Variants in CACNA2D3 observed in about 807,000 individuals in gnomAD.
The protein encoded by CACNA2D3 is calcium voltage-gated channel auxiliary subunit alpha2delta 3, also known as voltage-dependent calcium channel subunit alpha-2/delta-3.
Under a neutral mutation model 160.6 loss-of-function variants are expected in CACNA2D3, and 60 were observed. The observed-to-expected ratio is 0.37, with a 90% CI of 0.30 to 0.46. CACNA2D3 has a LOEUF of 0.46. Among genes scored for constraint, CACNA2D3 ranks in the 20% least tolerant of loss-of-function variants. The pLI is 1.00. For missense variants in CACNA2D3, 1,205 were observed against 1,365.0 expected (o/e 0.88, Z 1.85); for synonymous variants, 558 against 492.9 (o/e 1.13, Z -1.75).
intron 35 of CACNA2D3, among the ~76,000 whole-genome samples, chr3:55,043,393 A>C (rs1433189810): frequency 6.8e-6 from 1 of 148,110 alleles, no homozygotes; most frequent in Non-Finnish European, 1.5e-5. Context: ...GTGGTTTTGC[A>C]CTTCCATGAC....
intron 5 of CACNA2D3, among the ~76,000 whole-genome samples, chr3:54,548,400 A>G (rs1460302123): frequency 1.3e-5 from 2 of 152,218 alleles, no homozygotes; most frequent in African/African-American, 2.4e-5. Flanking sequence ...AATCACTGAC[A>G]TAGGAGGGAG....
At chr3:54,160,504 A>T (rs2107296155) in intron 2 of CACNA2D3, among the ~76,000 whole-genome samples, 1 of 152,168 alleles carries the variant, frequency 6.6e-6, no homozygotes, top group South Asian at 2.1e-4. Context: ...TGTCTCAAAA[A>T]AAATAAAATA....
chr3:54,973,370 C>G (rs1226583905), intron 29 of CACNA2D3, among the ~76,000 whole-genome samples: 1 of 152,072 alleles, frequency 6.6e-6, no homozygotes, highest in Non-Finnish European at 1.5e-5. Context: ...GATGAGAGTA[C>G]CAGGAGTTAG....
Position 54,912,122 on chromosome 3 carries a change from CCT to C in CACNA2D3, c.2449+12259_2449+12260del, listed in dbSNP as rs199742002. On this transcript the variant is annotated intron_variant, in intron 27 of 37. Coordinates refer to ENST00000474759, the MANE Select transcript of CACNA2D3 (RefSeq NM_018398.3). Reference sequence around the variant, plus strand: ...CTCCTTGTGGTTTGTTGGCCAGAGACCTCTCTTACCTCCTTGCCACATAGGCT... The same window carrying C: ...CTCCTTGTGGTTTGTTGGCCAGAGACCTCTTACCTCCTTGCCACATAGGCT... Among the ~76,000 whole-genome samples, 1,027 of 152,314 alleles carry C rather than the reference CCT, an allele frequency of 6.7e-3. 17 individuals are homozygous for C. Among genetic ancestry groups the C allele is most frequent in the African/African-American group, 0.022 (925 of 41,574 alleles).
At chr3:55,052,049 C>T (rs906902068) in intron 35 of CACNA2D3, among the ~76,000 whole-genome samples, 21 of 152,152 alleles carry the variant, frequency 1.4e-4, no homozygotes, top group Non-Finnish European at 2.1e-4. Flanking sequence ...ATGGAAATGC[C>T]GAAATGACTG....
In CACNA2D3 at chr3:54,969,820, A is replaced by C; in HGVS notation, c.2532A>C (p.Lys844Asn). Residue 844 changes from lysine (K) to asparagine (N), a missense_variant, in exon 29 of 38, where the codon AAA (lysine) becomes AAC (asparagine). Transcript: ENST00000474759. ...ASRQCASLDG[K>N]CSISCDDETV... Reference sequence around the variant, plus strand: ...CACAGTGTGCTTCCCTGGATGGCAAATGCTCCATCAGCTGTGATGATGAGG... The same window carrying C: ...CACAGTGTGCTTCCCTGGATGGCAACTGCTCCATCAGCTGTGATGATGAGG... 2 of 1,613,544 alleles carry C rather than the reference A, an allele frequency of 1.2e-6. No homozygotes were observed. Among genetic ancestry groups the C allele is most frequent in the Non-Finnish European group, 1.7e-6 (2 of 1,179,672 alleles).
rs6790256 is a variant in CACNA2D3 at position 54,984,393 on chromosome 3, T to A, written c.2557-215T>A. ...GATCATTCAAGACTCGTTCAGTCTT[T>A]TATTTTTGTTAGTTTTGCAAAGTAA... is the stretch of plus-strand genomic sequence containing the variant. On this transcript the variant is annotated intron_variant, in intron 29 of 37. Coordinates refer to ENST00000474759, the MANE Select transcript of CACNA2D3 (RefSeq NM_018398.3). 9.3e-3 allele frequency among the ~76,000 whole-genome samples: 1,410 copies of A among 152,272 alleles called. 26 individuals are homozygous for A. The highest frequency in any genetic ancestry group is 0.032 in the African/African-American group (1,327 of 41,538).
chr3:55,045,742 GTTTC>G (rs1407197220), intron 35 of CACNA2D3, among the ~76,000 whole-genome samples: 1 of 151,882 alleles, frequency 6.6e-6, no homozygotes, highest in Non-Finnish European at 1.5e-5. Flanking sequence ...TAGTAATGTC[GTTTC>G]TTTCTTACTA....
At chr3:54,556,274 T>A in intron 5 of CACNA2D3, among the ~76,000 whole-genome samples, 1 of 152,086 alleles carries the variant, frequency 6.6e-6, no homozygotes, top group Non-Finnish European at 1.5e-5. Flanking sequence ...CTAAACCCAA[T>A]GACCAGTCCT....
chr3:54,726,051 A>C (rs932207894), intron 11 of CACNA2D3, among the ~76,000 whole-genome samples: 6 of 152,222 alleles, frequency 3.9e-5, no homozygotes, highest in Non-Finnish European at 8.8e-5. Context: ...CTGATAAGCA[A>C]CTTCAGCAAA....
intron 10 of CACNA2D3, among the ~76,000 whole-genome samples, chr3:54,635,417 T>C (rs903316659): frequency 2.6e-5 from 4 of 151,916 alleles, no homozygotes; most frequent in African/African-American, 9.7e-5. Context: ...AAACCGGCAG[T>C]GTAAACAAGA....
chr3:54,425,889 G>GACGTAGAGGGGACGT, intron 4 of CACNA2D3, among the ~76,000 whole-genome samples: 1 of 152,226 alleles, frequency 6.6e-6, no homozygotes, highest in Non-Finnish European at 1.5e-5. Context: ...CCCTTCCACA[G>GACGTAGAGGGGACGT]ACGTAGAGGG....
At chr3:54,626,472 C>T in intron 9 of CACNA2D3, 4 of 1,604,722 alleles carry the variant, frequency 2.5e-6, no homozygotes, top group Non-Finnish European at 8.5e-7. Flanking sequence ...TCATCCTGCC[C>T]GAGATGGTGG....
chr3:54,802,110 C>T (rs973137424), intron 13 of CACNA2D3, among the ~76,000 whole-genome samples: 1 of 152,194 alleles, frequency 6.6e-6, no homozygotes, highest in Non-Finnish European at 1.5e-5. Flanking sequence ...TGTGTTCCTA[C>T]TCTTTCCTCC....
At chr3:54,631,152 T>A (rs1699228793) in intron 10 of CACNA2D3, among the ~76,000 whole-genome samples, 1 of 150,928 alleles carries the variant, frequency 6.6e-6, no homozygotes, top group South Asian at 2.1e-4. Context: ...TGCAGTGAGC[T>A]GAGATTGCAC....
intron 10 of CACNA2D3, among the ~76,000 whole-genome samples, chr3:54,632,985 T>C (rs1229196402): frequency 6.6e-6 from 1 of 152,234 alleles, no homozygotes; most frequent in Non-Finnish European, 1.5e-5. Context: ...GGGCTGCGTC[T>C]GCTCATTAAC....
At chr3:54,809,793 C>G (rs1045035850) in intron 13 of CACNA2D3, among the ~76,000 whole-genome samples, 1 of 151,334 alleles carries the variant, frequency 6.6e-6, no homozygotes, top group Non-Finnish European at 1.5e-5. Context: ...CCCTCTTTCC[C>G]TCCTTCCTTC....
chr3:54,375,244 G>C (rs1698991610), intron 3 of CACNA2D3, among the ~76,000 whole-genome samples: 1 of 152,254 alleles, frequency 6.6e-6, no homozygotes, highest in African/African-American at 2.4e-5. Context: ...GTTGTCTACT[G>C]GTTTCTTTCC....
intron 2 of CACNA2D3, among the ~76,000 whole-genome samples, chr3:54,298,657 A>G (rs1468257144): frequency 6.6e-6 from 1 of 152,132 alleles, no homozygotes; most frequent in Non-Finnish European, 1.5e-5. Context: ...ACAATTAGCC[A>G]GGTGCGGTGG....
Sources: allele counts gnomAD v4.1 joint callset (sites outside exome capture counted in the v4.1 genomes callset), GRCh38; gene constraint gnomAD v4.1.1; transcripts MANE v1.5; gene names NCBI Gene and HGNC (gene_info 2026-07-23, HGNC 2026-07-21).